The following RMND5B variants were observed in gnomAD, a reference collection of about 807,000 sequenced individuals.
The protein encoded by RMND5B is E3 ubiquitin-protein transferase RMND5B.
A neutral mutation model predicts 50.4 loss-of-function variants in RMND5B; 42 were observed. That is an observed-to-expected ratio of 0.83 (90% CI 0.65 to 1.08). RMND5B has a LOEUF of 1.08. Among genes scored for constraint, RMND5B ranks in the 50% least tolerant of loss-of-function variants. The pLI, the probability that RMND5B is intolerant of heterozygous loss-of-function variation, is 0.00. For synonymous variants in RMND5B, 220 were observed against 210.0 expected, an observed-to-expected ratio of 1.05 and a Z score of -0.41; for missense variants, 463 against 508.5, an observed-to-expected ratio of 0.91 and a Z score of 0.86.
intron 7 of RMND5B, among the ~76,000 whole-genome samples, chr5:178,145,178 TAGCTGGGATTACAA>T (rs1312725363): frequency 6.6e-6 from 1 of 150,932 alleles, no homozygotes; most frequent in East Asian, 2.0e-4. Flanking sequence ...GCCTCCCGAG[TAGCTGGGATTACAA>T]ATGCCTGACA....
chr5:178,147,556 T>G lies in RMND5B; in HGVS notation c.884T>G (p.Leu295Arg). 1 of 1,614,150 alleles carries G rather than the reference T, an allele frequency of 6.2e-7. No homozygotes were observed. Among genetic ancestry groups the G allele is most frequent in the East Asian group, 2.2e-5 (1 of 44,882 alleles). Residue 295 changes from leucine (L) to arginine (R), a missense_variant, in exon 9 of 11, where the codon CTG (leucine) becomes CGG (arginine). Leu to Arg is a moderately radical substitution (Grantham distance 102). Transcript: ENST00000313386. ...SVSFASGCVA[L>R]PVLMNIKAVI... The stretch of plus-strand genomic sequence containing the variant: ...AGCTTTGCCTCTGGCTGTGTGGCGC[T>G]GCCTGTGTTGATGAACATCAAGGCT...
At position 178,149,770 on chromosome 5, in the gene RMND5B, G is replaced by T. The variant is rs1448837205; in HGVS notation, c.*1738G>T. 1 of 1,613,958 alleles carries T rather than the reference G, an allele frequency of 6.2e-7. No individual in the cohort carries two copies. Among genetic ancestry groups the T allele is most frequent in the Non-Finnish European group, 8.5e-7 (1 of 1,179,988 alleles). On this transcript the variant is annotated 3_prime_UTR_variant, in exon 11 of 11. Transcript: ENST00000313386. ...CCAGGCACTCATCGTAAGCCTCCTG[G>T]TACTCCTCATGGGGCTTGACCATTA...
At position 178,137,394 on chromosome 5, in the gene RMND5B, T is replaced by C. The variant is rs1758672913; in HGVS notation, c.-12-714T>C. On this transcript the variant is annotated intron_variant, in intron 2 of 10. Transcript: ENST00000313386. This position sits in a 1 kb window ranked among gnomAD's most constrained non-coding sequence, Gnocchi z 4.4. ...TAAGAATGTGGCCATAATAACTCTATGAAAATACACGGGCCGGGCATGGTG... is the reference window on the plus strand; with the variant it reads ...TAAGAATGTGGCCATAATAACTCTACGAAAATACACGGGCCGGGCATGGTG... Among the ~76,000 whole-genome samples the C allele has an allele frequency of 6.6e-6, 1 of 152,034 alleles. No homozygotes were observed. The highest frequency in any genetic ancestry group is 1.5e-5 in the Non-Finnish European group (1 of 68,006).
Position 178,138,890 on chromosome 5 carries a change from A to G in RMND5B, c.139+632A>G, listed in dbSNP as rs999045518. Among the ~76,000 whole-genome samples the G allele has an allele frequency of 2.6e-5, 4 of 152,168 alleles. No homozygotes were observed. The highest frequency in any genetic ancestry group is 5.9e-5 in the Non-Finnish European group (4 of 68,038). On this transcript the variant is annotated intron_variant, in intron 3 of 10. Transcript: ENST00000313386. This position sits in a 1 kb window ranked among gnomAD's most constrained non-coding sequence, Gnocchi z 5.1. The stretch of plus-strand genomic sequence containing the variant: ...AAATCAAGGGCATTCTCTTACATAA[A>G]AACAGCGTAGTTATTAAAACCCAGA...
chr5:178,143,645 G>T lies in RMND5B; in HGVS notation c.445G>T (p.Asp149Tyr). The T allele has an allele frequency of 6.2e-7, 1 of 1,613,870 alleles. No homozygotes were observed. The highest frequency in any genetic ancestry group is 1.1e-5 in the South Asian group (1 of 91,066). ...ELCQESTLNV[D>Y]LDFKQPFLEL... ...CTTGTAGGAATCAACGCTGAATGTG[G>T]ACTTGGATTTCAAGCAGCCTTTCCT... Residue 149 changes from aspartate to tyrosine, a missense_variant, in exon 6 of 11, where the codon GAC (aspartate) becomes TAC (tyrosine). Coordinates refer to ENST00000313386, the MANE Select transcript of RMND5B (RefSeq NM_022762.5).
In RMND5B at chr5:178,138,519, TTGTGTGTGTGTGTGTG is replaced by T; in HGVS notation, c.139+275_139+290del. On this transcript the variant is annotated intron_variant, in intron 3 of 10. Coordinates refer to ENST00000313386, the MANE Select transcript of RMND5B (RefSeq NM_022762.5). The surrounding 1 kb of genome is among the most constrained non-coding windows in gnomAD (Gnocchi z 5.1). ...TTTTTAACTTTTTTTCATTTTATAA[TTGTGTGTGTGTGTGTG>T]TGTGTGTGTGTGTAGAAACAGTGTC... 3.3e-6 allele frequency: 1 copy of T among 300,398 alleles called. No homozygotes were observed. The highest frequency in any genetic ancestry group is 5.6e-6 in the Non-Finnish European group (1 of 179,056). 18.6% of individuals were successfully genotyped at this position (300,398 alleles called of 1,614,324 possible).
Position 178,150,003 on chromosome 5 carries a change from A to C in RMND5B, c.*1971A>C. Reference sequence around the variant, plus strand: ...AATTGGTTGCCATCATTTAAACTCAATCAGACTTTGAAGGCATGGTCCAGC... The same window carrying C: ...AATTGGTTGCCATCATTTAAACTCACTCAGACTTTGAAGGCATGGTCCAGC... On this transcript the variant is annotated 3_prime_UTR_variant, in exon 11 of 11. Transcript: ENST00000313386. 2 of 703,400 alleles carry C rather than the reference A, an allele frequency of 2.8e-6. No individual in the cohort carries two copies. The highest frequency in any genetic ancestry group is 4.6e-6 in the Non-Finnish European group (2 of 430,332). The allele number at this position is 703,400 out of a possible 1,614,324, so 43.6% of individuals were successfully genotyped here.
At chr5:178,132,960 G>T (rs1210643692) in intron 2 of RMND5B, among the ~76,000 whole-genome samples, 1 of 151,826 alleles carries the variant, frequency 6.6e-6, no homozygotes, top group Non-Finnish European at 1.5e-5. Context: ...TGCCTCCTGG[G>T]TTCAAGCAAT....
At chr5:178,131,573 T>TG (rs1554096637) in intron 2 of RMND5B, among the ~76,000 whole-genome samples, 197 bp downstream of exon 2, 2 of 139,232 alleles carry the variant, frequency 1.4e-5, no homozygotes, top group South Asian at 2.3e-4. Context: ...GACTGTATAG[T>TG]AAAAAAAAAA....
At chr5:178,146,380 T>G in intron 8 of RMND5B, 101 bp downstream of exon 8, 1 of 1,130,552 alleles carries the variant, frequency 8.8e-7, no homozygotes, top group South Asian at 1.5e-5. Flanking sequence ...CTCGGTGCTT[T>G]CAGAGACCGA....
Position 178,138,243 on chromosome 5 carries a change from G to GAGCCC in RMND5B, c.127_128insCCAGC (p.Leu43ProfsTer20). The GAGCCC allele has an allele frequency of 6.2e-7, 1 of 1,613,454 alleles. No individual in the cohort carries two copies. The highest frequency in any genetic ancestry group is 8.5e-7 in the Non-Finnish European group (1 of 1,179,690). On this transcript the variant is annotated frameshift_variant, in exon 3 of 11. Coordinates refer to ENST00000313386, the MANE Select transcript of RMND5B (RefSeq NM_022762.5). LOFTEE classifies it high-confidence loss of function. This position sits in a 1 kb window ranked among gnomAD's most constrained non-coding sequence, Gnocchi z 5.1. The stretch of plus-strand genomic sequence containing the variant: ...GCACTACGTGGGCCAGCTGCGGGCT[G>GAGCCC]AGCTGGCCAGCGCAGGTGGGTGGCC...
Position 178,138,211 on chromosome 5 carries a change from A to T in RMND5B, c.92A>T (p.Glu31Val). ...CAGCACTGTGAGCGGAGCCTGGAGG[A>T]GCTGCTGCACTACGTGGGCCAGCTG... ...YGQHCERSLE[E>V]LLHYVGQLRA... The change falls in exon 3 of 11, where the codon GAG becomes GTG. Residue 31 changes from glutamate (E) to valine (V), a missense_variant. Coordinates refer to ENST00000313386, the MANE Select transcript of RMND5B (RefSeq NM_022762.5). This position sits in a 1 kb window ranked among gnomAD's most constrained non-coding sequence, Gnocchi z 5.1. 6.2e-7 allele frequency: 1 copy of T among 1,613,986 alleles called. No homozygotes were observed. Among genetic ancestry groups the T allele is most frequent in the Non-Finnish European group, 8.5e-7 (1 of 1,179,974 alleles).
At chr5:178,140,496 T>C (rs551455655) in intron 3 of RMND5B, among the ~76,000 whole-genome samples, 1 of 152,156 alleles carries the variant, frequency 6.6e-6, no homozygotes, top group Non-Finnish European at 1.5e-5. Flanking sequence ...ATCACTTAGT[T>C]AAGATGGTCG....
At chr5:178,135,013 C>G (rs1363906506) in intron 2 of RMND5B, among the ~76,000 whole-genome samples, 1 of 152,000 alleles carries the variant, frequency 6.6e-6, no homozygotes, top group African/African-American at 2.4e-5. Flanking sequence ...AATCACACTC[C>G]TCAGTTCATG....
chr5:178,147,648 C>T lies in RMND5B; in HGVS notation c.963+13C>T. On this transcript the variant is annotated intron_variant, in intron 9 of 10. Coordinates refer to ENST00000313386, the MANE Select transcript of RMND5B (RefSeq NM_022762.5). ...GGACGAGTTACCGGTGAGGCCTGGT[C>T]TGGGGAATCGTGGGCAAGAGGTACT... is the stretch of plus-strand genomic sequence containing the variant. 1 of 1,614,060 alleles carries T rather than the reference C, an allele frequency of 6.2e-7. No homozygotes were observed. The highest frequency in any genetic ancestry group is 8.5e-7 in the Non-Finnish European group (1 of 1,179,930).
Position 178,148,558 on chromosome 5 carries a change from C to G in RMND5B, c.*526C>G, listed in dbSNP as rs1352072879. 6.2e-6 allele frequency: 1 copy of G among 162,550 alleles called. No individual in the cohort carries two copies. Among genetic ancestry groups the G allele is most frequent in the Admixed American group, 5.9e-5 (1 of 16,908 alleles). 10.1% of individuals were successfully genotyped at this position (162,550 alleles called of 1,614,324 possible). On this transcript the variant is annotated 3_prime_UTR_variant, in exon 11 of 11. Coordinates refer to ENST00000313386, the MANE Select transcript of RMND5B (RefSeq NM_022762.5). ...TAACTTTGAACAAATGTATTTACTG[C>G]CCTTCTCATTTCTCCTGGCCAACCT...
At chr5:178,135,215 G>A in intron 2 of RMND5B, 1 of 219,044 alleles carries the variant, frequency 4.6e-6, no homozygotes, top group South Asian at 4.3e-5. Flanking sequence ...GCATAATCAT[G>A]GCTGACTGCA....
rs768206260 is a variant in RMND5B, at chr5:178,147,554, G to A, written c.882G>A (p.Ala294=). The A allele has an allele frequency of 1.1e-5, 17 of 1,613,918 alleles. No individual in the cohort carries two copies. The highest frequency in any genetic ancestry group is 2.2e-5 in the East Asian group (1 of 44,886). The change falls in exon 9 of 11, where the codon GCG becomes GCA. Residue 294 remains alanine (A), a synonymous_variant. Transcript: ENST00000313386. The part of the protein sequence containing the change: ...LSVSFASGCV[A]LPVLMNIKAV... ...GCAGCTTTGCCTCTGGCTGTGTGGCGCTGCCTGTGTTGATGAACATCAAGG... is the reference window on the plus strand; with the variant it reads ...GCAGCTTTGCCTCTGGCTGTGTGGCACTGCCTGTGTTGATGAACATCAAGG...
In RMND5B at chr5:178,138,349, G is replaced by A. The variant is rs1013065213; in HGVS notation, c.139+91G>A. On this transcript the variant is annotated intron_variant, in intron 3 of 10. Transcript: ENST00000313386. This position sits in a 1 kb window ranked among gnomAD's most constrained non-coding sequence, Gnocchi z 5.1. ...CTGAGTGACAGGGTTCCGGAAGGAC[G>A]ATGATGAGGATGTTGGTACCTGCAT... The A allele has an allele frequency of 2.0e-6, 3 of 1,502,466 alleles. No homozygotes were observed. Among genetic ancestry groups the A allele is most frequent in the Middle Eastern group, 1.7e-4 (1 of 5,772 alleles). The allele number at this position is 1,502,466 out of a possible 1,614,324, so 93.1% of individuals were successfully genotyped here. A position where few individuals can be genotyped will look rare whatever the true frequency, so the allele number is the denominator to read the frequency against.
Sources: gnomAD v4.1 joint callset for allele counts (sites outside exome capture counted in the v4.1 genomes callset) on GRCh38, gnomAD v4.1.1 for gene constraint, Gnocchi (gnomAD v3.1) non-coding constraint, MANE v1.5 for transcripts, NCBI Gene and HGNC (gene_info 2026-07-23, HGNC 2026-07-21) for gene names.